NCAM2: variants seen among roughly 807,000 people sequenced by gnomAD.
NCAM2 encodes N-CAM-2.
NCAM2 carries 30 observed loss-of-function variants against 98.1 expected under a neutral mutation model. The observed-to-expected ratio is 0.31, with a 90% CI of 0.23 to 0.41. The LOEUF is 0.41. NCAM2 is among the 10% of genes least tolerant of loss of function. NCAM2 has a pLI of 1.00. For synonymous variants in NCAM2, 368 were observed against 342.4 expected (o/e 1.07, Z -0.83); for missense variants, 867 against 1,005.8 (o/e 0.86, Z 1.87).
chr21:21,404,430 T>C (rs1218942053), intron 9 of NCAM2, among the ~76,000 whole-genome samples: 1 of 152,072 alleles, frequency 6.6e-6, no homozygotes, highest in Non-Finnish European at 1.5e-5. Context: ...GTTTCCCCTT[T>C]TGCTTGGCTC....
intron 1 of NCAM2, among the ~76,000 whole-genome samples, chr21:21,046,409 C>G (rs1017616791): frequency 6.6e-6 from 1 of 152,074 alleles, no homozygotes; most frequent in African/African-American, 2.4e-5. Context: ...ATGACCAGTA[C>G]TAAATTTTGT....
chr21:21,415,862 G>T (rs756832490), intron 10 of NCAM2, among the ~76,000 whole-genome samples: 1 of 152,108 alleles, frequency 6.6e-6, no homozygotes, highest in Non-Finnish European at 1.5e-5. Context: ...GGAGTATTGT[G>T]GTTGGCTTTG....
chr21:21,524,541 G>A (rs897323932), intron 16 of NCAM2, among the ~76,000 whole-genome samples: 1 of 151,500 alleles, frequency 6.6e-6, no homozygotes, highest in African/African-American at 2.4e-5. Flanking sequence ...AAAAAAAAAG[G>A]GGGTGTGGGG....
At chr21:21,464,250 T>C (rs1983381146) in intron 12 of NCAM2, among the ~76,000 whole-genome samples, 1 of 152,022 alleles carries the variant, frequency 6.6e-6, no homozygotes, top group African/African-American at 2.4e-5. Flanking sequence ...AAGTTGGCTG[T>C]TTTATAAAAG....
intron 16 of NCAM2, among the ~76,000 whole-genome samples, chr21:21,523,914 A>C: frequency 2.0e-5 from 1 of 48,972 alleles, no homozygotes; most frequent in Admixed American, 2.6e-4. Context: ...AGTTACAAAT[A>C]TAGTATATAT....
chr21:21,206,286 G>T (rs1050951855), intron 1 of NCAM2, among the ~76,000 whole-genome samples: 2 of 152,066 alleles, frequency 1.3e-5, no homozygotes, highest in African/African-American at 2.4e-5. Flanking sequence ...AGGTAGGACA[G>T]AATTTTTACA....
rs1238038160 is a variant in NCAM2 at position 21,488,965 on chromosome 21, C to A, written c.2077+11494C>A. ...AATAAGTCCAATTTAATTATGTTTT[C>A]TTTTTCTATTTTAATTTTTATTTAT... is the stretch of plus-strand genomic sequence containing the variant. On this transcript the variant is annotated intron_variant, in intron 15 of 17. Coordinates refer to ENST00000400546, the MANE Select transcript of NCAM2 (RefSeq NM_004540.5). 5.9e-5 allele frequency among the ~76,000 whole-genome samples: 9 copies of A among 151,644 alleles called. No individual in the cohort carries two copies. In the East Asian group the frequency reaches 1.5e-3, roughly 26 times the overall value.
rs767687292 is a variant in NCAM2 at position 21,418,503 on chromosome 21, C to T, written c.1414C>T (p.Arg472Cys). The change falls in exon 11 of 18, where the codon CGC (arginine) becomes TGC (cysteine). Residue 472 changes from arginine to cysteine, a missense_variant. This residue lies in a region of NCAM2 where 234 missense variants were observed against 333.8 expected (regional missense o/e 0.70). Transcript: ENST00000400546. ...ACCTACATCTGACAATGACTTTGGA[C>T]GCTATAATTGCACAGCCACTAATCA... ...IAPTSDNDFG[R>C]YNCTATNHIG... is the part of the protein sequence containing the mutation. 1.1e-5 allele frequency: 18 copies of T among 1,611,304 alleles called. No homozygotes were observed. Among genetic ancestry groups the T allele is most frequent in the Admixed American group, 1.7e-5 (1 of 59,970 alleles).
chr21:21,169,452 C>T (rs1435451662), intron 1 of NCAM2, among the ~76,000 whole-genome samples: 2 of 152,102 alleles, frequency 1.3e-5, no homozygotes, highest in Admixed American at 6.6e-5. Flanking sequence ...GACTTCATTA[C>T]AATTGAAAAT....
At chr21:21,252,684 C>T (rs2071519200) in intron 1 of NCAM2, among the ~76,000 whole-genome samples, 1 of 152,062 alleles carries the variant, frequency 6.6e-6, no homozygotes, top group African/African-American at 2.4e-5. Context: ...CATTTTTAAA[C>T]ACTTGAGAAA....
At chr21:21,278,502 A>G (rs1453270454) in intron 1 of NCAM2, among the ~76,000 whole-genome samples, 1 of 152,178 alleles carries the variant, frequency 6.6e-6, no homozygotes, top group Non-Finnish European at 1.5e-5. Flanking sequence ...AGAGTACCTA[A>G]AATCTATTTT....
chr21:21,179,576 A>T (rs1229367533), intron 1 of NCAM2, among the ~76,000 whole-genome samples: 1 of 152,200 alleles, frequency 6.6e-6, no homozygotes, highest in African/African-American at 2.4e-5. Context: ...TTTATGTGTG[A>T]CATTTGTCAA....
chr21:21,144,519 G>T (rs1253772299), intron 1 of NCAM2, among the ~76,000 whole-genome samples: 1 of 152,018 alleles, frequency 6.6e-6, no homozygotes, highest in Non-Finnish European at 1.5e-5. Flanking sequence ...GAGACACATG[G>T]TGATCATAGA....
At chr21:21,479,945 G>A (rs233748) in intron 15 of NCAM2, among the ~76,000 whole-genome samples, 14,353 of 151,920 alleles carry the variant, frequency 0.094, 2,264 homozygotes, top group African/African-American at 0.33. Flanking sequence ...TTATTTATTG[G>A]AGTACTTCTT....
chr21:21,265,509 A>G (rs1224391887), intron 1 of NCAM2, among the ~76,000 whole-genome samples: 4 of 144,474 alleles, frequency 2.8e-5, no homozygotes, highest in Non-Finnish European at 6.0e-5. Context: ...ATATGTGTGT[A>G]TATATACACA....
chr21:21,404,558 A>G (rs2076697891), intron 9 of NCAM2, among the ~76,000 whole-genome samples: 1 of 152,096 alleles, frequency 6.6e-6, no homozygotes, highest in Non-Finnish European at 1.5e-5. Flanking sequence ...TTTTCTTCAT[A>G]AATTACCCAG....
At chr21:21,069,302 GAA>G (rs1341052850) in intron 1 of NCAM2, among the ~76,000 whole-genome samples, 3 of 152,132 alleles carry the variant, frequency 2.0e-5, no homozygotes, top group Non-Finnish European at 4.4e-5. Flanking sequence ...GGAGCAGAGA[GAA>G]TGTAAATTAT....
rs923007098 is a variant in NCAM2, at chr21:21,430,129, A to G, written c.1481-1979A>G. ...CTGCAACTTCTACCTCCTGGGTTCA[A>G]CCAATTCTCCTGCTTCAGCCTCCCA... is the stretch of plus-strand genomic sequence containing the variant. On this transcript the variant is annotated intron_variant, in intron 11 of 17. Transcript: ENST00000400546. Among the ~76,000 whole-genome samples, 16 of 151,964 alleles carry G rather than the reference A, an allele frequency of 1.1e-4. No individual in the cohort carries two copies. The East Asian group carries it at 3.1e-3, about 30-fold the overall frequency.
At chr21:21,459,563 T>C (rs1982659351) in intron 12 of NCAM2, among the ~76,000 whole-genome samples, 1 of 148,648 alleles carries the variant, frequency 6.7e-6, no homozygotes, top group Non-Finnish European at 1.5e-5. Context: ...TAGGATATTG[T>C]TATATATTTA....
Sources: gnomAD v4.1 joint callset for allele counts (sites outside exome capture counted in the v4.1 genomes callset) on GRCh38, gnomAD v4.1.1 for gene constraint, gnomAD v4.1.1 regional missense constraint, MANE v1.5 for transcripts, NCBI Gene and HGNC (gene_info 2026-07-23, HGNC 2026-07-21) for gene names.